Variants in ME1 observed in about 807,000 individuals in gnomAD.
ME1 encodes NADP-dependent malic enzyme.
A neutral mutation model predicts 66.4 loss-of-function variants in ME1; 74 were observed. That is an observed-to-expected ratio of 1.11 (90% CI 0.92 to 1.35). ME1 has a LOEUF of 1.35. Ranked by LOEUF, ME1 falls within the 40% of genes most tolerant of loss-of-function variation. The probability of loss-of-function intolerance (pLI) is 0.00; values close to 1 mark genes in which losing one functional copy is unlikely to be tolerated. For missense variants in ME1, 750 were observed against 694.1 expected, an observed-to-expected ratio of 1.08 and a Z score of -0.90; for synonymous variants, 251 against 235.6, an observed-to-expected ratio of 1.07 and a Z score of -0.60.
At chr6:83,282,549 A>G (rs937399728) in intron 6 of ME1, among the ~76,000 whole-genome samples, 1 of 152,208 alleles carries the variant, frequency 6.6e-6, no homozygotes, top group Non-Finnish European at 1.5e-5. Flanking sequence ...GCAAATCAAA[A>G]CCACAATGAG....
At chr6:83,315,451 T>C (rs759001915) in intron 5 of ME1, 38 bp from the exon 6 acceptor site, 12 of 1,190,594 alleles carry the variant, frequency 1.0e-5, no homozygotes, top group Admixed American at 2.1e-5. Flanking sequence ...GAAATAACTA[T>C]AACCAAATCA....
At chr6:83,321,906 G>A (rs145433022) in intron 5 of ME1, among the ~76,000 whole-genome samples, 11 of 152,270 alleles carry the variant, frequency 7.2e-5, no homozygotes, top group South Asian at 2.1e-4. Flanking sequence ...GGAGAGCTCC[G>A]GCTGGCATCT....
intron 9 of ME1, among the ~76,000 whole-genome samples, chr6:83,236,073 GT>G (rs1203762793): frequency 1.3e-5 from 2 of 151,598 alleles, no homozygotes; most frequent in African/African-American, 2.4e-5. Flanking sequence ...TATGGTATTT[GT>G]TTTTTTCACC....
intron 1 of ME1, among the ~76,000 whole-genome samples, chr6:83,414,896 T>C (rs775039705): frequency 5.3e-5 from 8 of 152,246 alleles, no homozygotes; most frequent in African/African-American, 1.4e-4. Context: ...ACTAAACCAA[T>C]AGAGAAAAGT....
chr6:83,407,917 AC>A lies in ME1; in HGVS notation c.79-17del. ...AGGCCAAGTCCTATAGAGAAAAAAC[AC>A]ACACACACACACAACAGTATTTGAG... On this transcript the variant is annotated splice_polypyrimidine_tract_variant and intron_variant, in intron 1 of 13. Transcript: ENST00000369705. The A allele has an allele frequency of 6.3e-7, 1 of 1,578,920 alleles. No individual in the cohort carries two copies. The highest frequency in any genetic ancestry group is 8.6e-7 in the Non-Finnish European group (1 of 1,168,004).
At position 83,407,895 on chromosome 6, in the gene ME1, C is replaced by T. The variant is rs755311554; in HGVS notation, c.85G>A (p.Ala29Thr). 6.2e-7 allele frequency: 1 copy of T among 1,606,504 alleles called. No homozygotes were observed. The highest frequency in any genetic ancestry group is 8.5e-7 in the Non-Finnish European group (1 of 1,178,064). The change falls in exon 2 of 14, where the codon GCC (alanine) becomes ACC (threonine). Residue 29 changes from alanine to threonine, a missense_variant. By Grantham distance (58) the Ala-to-Thr change is moderately conservative. Transcript: ENST00000369705. ...TRNPHLNKDL[A>T]FTLEERQQLN... ...TGCTGTCTCTCTTCCAGGGTAAAGGCCAAGTCCTATAGAGAAAAAACACAC... is the reference window on the plus strand; with the variant it reads ...TGCTGTCTCTCTTCCAGGGTAAAGGTCAAGTCCTATAGAGAAAAAACACAC...
chr6:83,393,564 G>A (rs952640930), intron 3 of ME1, among the ~76,000 whole-genome samples: 1 of 143,050 alleles, frequency 7.0e-6, no homozygotes, highest in Admixed American at 7.3e-5. Flanking sequence ...AGCCGAGGGA[G>A]CCCCACCTTT....
chr6:83,347,740 T>C (rs572698886), intron 4 of ME1, among the ~76,000 whole-genome samples: 133 of 152,306 alleles, frequency 8.7e-4, no homozygotes, highest in African/African-American at 3.1e-3. Flanking sequence ...TAAAAATTTA[T>C]AGCTATTATT....
At chr6:83,244,198 A>C (rs560052912) in intron 7 of ME1, among the ~76,000 whole-genome samples, 1 of 152,154 alleles carries the variant, frequency 6.6e-6, no homozygotes, top group South Asian at 2.1e-4. Context: ...CAGCAGTGTA[A>C]GAGAAGGAAT....
intron 7 of ME1, among the ~76,000 whole-genome samples, chr6:83,252,947 A>G (rs937785858): frequency 6.6e-6 from 1 of 152,214 alleles, no homozygotes; most frequent in African/African-American, 2.4e-5. Flanking sequence ...ATAAACACTG[A>G]AAAACATTCA....
At chr6:83,233,032 T>C (rs1790333495) in intron 9 of ME1, among the ~76,000 whole-genome samples, 1 of 152,154 alleles carries the variant, frequency 6.6e-6, no homozygotes, top group Non-Finnish European at 1.5e-5. Context: ...CTTTTTATTT[T>C]GAAGTTCTGT....
intron 6 of ME1, among the ~76,000 whole-genome samples, chr6:83,296,020 T>C (rs1767592749): frequency 6.6e-6 from 1 of 152,070 alleles, no homozygotes; most frequent in Non-Finnish European, 1.5e-5. Flanking sequence ...ATTAAATCAG[T>C]AATAAATAGC....
chr6:83,265,647 C>T (rs1766975499), intron 6 of ME1, among the ~76,000 whole-genome samples: 1 of 152,072 alleles, frequency 6.6e-6, no homozygotes, highest in African/African-American at 2.4e-5. Context: ...ATGTGACTTG[C>T]TTTATTGTAG....
intron 2 of ME1, among the ~76,000 whole-genome samples, chr6:83,405,023 G>GT (rs1158430274): frequency 5.3e-5 from 8 of 152,120 alleles, no homozygotes; most frequent in African/African-American, 1.9e-4. Flanking sequence ...ATTTAAAGTA[G>GT]TTTTTTCTAA....
chr6:83,390,005 C>T (rs1408556095), intron 3 of ME1, among the ~76,000 whole-genome samples: 5 of 151,826 alleles, frequency 3.3e-5, no homozygotes, highest in Non-Finnish European at 5.9e-5. Flanking sequence ...AGTATCTATG[C>T]CAAAAAGAAA....
chr6:83,292,441 C>G (rs951424254), intron 6 of ME1, among the ~76,000 whole-genome samples: 1 of 152,194 alleles, frequency 6.6e-6, no homozygotes, highest in Non-Finnish European at 1.5e-5. Context: ...CTAGGTATCA[C>G]CAGTGGAGGC....
At chr6:83,243,925 G>T (rs1160991163) in intron 7 of ME1, among the ~76,000 whole-genome samples, 1 of 144,470 alleles carries the variant, frequency 6.9e-6, no homozygotes, top group Non-Finnish European at 1.5e-5. Context: ...ACCCAGATCT[G>T]CATCCCCCTC....
intron 2 of ME1, among the ~76,000 whole-genome samples, chr6:83,403,770 T>C (rs1769879610): frequency 6.6e-6 from 1 of 152,182 alleles, no homozygotes; most frequent in South Asian, 2.1e-4. Context: ...TCTGTTCCTA[T>C]GTCAGTTTGC....
chr6:83,277,929 A>AATAATAATAATAATAATC (rs56154533), intron 6 of ME1, among the ~76,000 whole-genome samples: 1 of 150,630 alleles, frequency 6.6e-6, no homozygotes. Context: ...TAATAATAAT[A>AATAATAATAATAATAATC]TTTGGAATTC....
Sources: gnomAD v4.1 joint callset for allele counts (sites outside exome capture counted in the v4.1 genomes callset) on GRCh38, gnomAD v4.1.1 for gene constraint, MANE v1.5 for transcripts, NCBI Gene and HGNC (gene_info 2026-07-23, HGNC 2026-07-21) for gene names.